MSRA: variants seen among roughly 807,000 people sequenced by gnomAD.
MSRA encodes the protein methionine sulfoxide reductase A, also known as mitochondrial peptide methionine sulfoxide reductase.
Under a neutral mutation model 31.3 loss-of-function variants are expected in MSRA, and 54 were observed. That is an observed-to-expected ratio of 1.73 (90% CI 1.39 to 2.17). The LOEUF (loss-of-function observed/expected upper bound fraction) is 2.17, where lower values mean the gene tolerates loss of function less well. Among genes scored for constraint, MSRA ranks in the 30% most tolerant of loss-of-function variants. The pLI, the probability that MSRA is intolerant of heterozygous loss-of-function variation, is 0.00. For missense variants in MSRA, 507 were observed against 300.9 expected, an observed-to-expected ratio of 1.69 and a Z score of -5.07; for synonymous variants, 169 against 116.5, an observed-to-expected ratio of 1.45 and a Z score of -2.90.
intron 1 of MSRA, among the ~76,000 whole-genome samples, chr8:10,085,066 G>A (rs1219252192): frequency 6.6e-6 from 1 of 152,158 alleles, no homozygotes; most frequent in Non-Finnish European, 1.5e-5. Flanking sequence ...GGCAAAAATC[G>A]TGAACACAGT....
At chr8:10,368,111 A>T (rs996671245) in intron 5 of MSRA, among the ~76,000 whole-genome samples, 1 of 152,226 alleles carries the variant, frequency 6.6e-6, no homozygotes, top group Admixed American at 6.5e-5. Context: ...ACCATGAGTC[A>T]TGAAGCCATG....
chr8:10,361,814 C>A (rs989278455), intron 5 of MSRA, among the ~76,000 whole-genome samples: 2 of 152,104 alleles, frequency 1.3e-5, no homozygotes, highest in Admixed American at 1.3e-4. Context: ...AAAATGTCTT[C>A]CTAACTTATT....
intron 5 of MSRA, among the ~76,000 whole-genome samples, chr8:10,403,256 G>A (rs1807576225): frequency 1.3e-5 from 2 of 152,206 alleles, no homozygotes; most frequent in African/African-American, 2.4e-5. Context: ...CAGATGGGAA[G>A]GCTTCAGAAG....
Position 10,063,601 on chromosome 8 carries a change from G to A in MSRA, c.142+8943G>A, listed in dbSNP as rs143008102. On this transcript the variant is annotated intron_variant, in intron 1 of 5. Coordinates refer to ENST00000317173, the MANE Select transcript of MSRA (RefSeq NM_012331.5). ...TTAGGAGGTGGGGGCTTTGGGAGGT[G>A]ATTAGTCATGAGGGTGGAACACGCA... 3.3e-4 allele frequency among the ~76,000 whole-genome samples: 50 copies of A among 152,270 alleles called. No homozygotes were observed. In the East Asian group the frequency reaches 9.1e-3, roughly 28 times the overall value.
In MSRA at chr8:10,368,356, T is replaced by C. The variant is rs143175769; in HGVS notation, c.543+48367T>C. Among the ~76,000 whole-genome samples the C allele has an allele frequency of 5.7e-4, 87 of 152,380 alleles. 1 individual carries two copies. The highest frequency in any genetic ancestry group is 2.0e-3 in the African/African-American group (83 of 41,600). ...AATGAAACAAAACACGAATAAGATG[T>C]GCAGATAAGATGGAGTGCAGCACTA... On this transcript the variant is annotated intron_variant, in intron 5 of 5. Transcript: ENST00000317173.
At chr8:10,085,899 C>G (rs529778194) in intron 1 of MSRA, among the ~76,000 whole-genome samples, 18 of 152,196 alleles carry the variant, frequency 1.2e-4, no homozygotes, top group Non-Finnish European at 2.5e-4. Flanking sequence ...TGTGGTTCTT[C>G]CATGTTGTTG....
chr8:10,116,024 G>A lies in MSRA; in HGVS notation c.142+61366G>A, dbSNP rs192044819. Among the ~76,000 whole-genome samples the A allele has an allele frequency of 3.6e-3, 545 of 152,280 alleles. 2 individuals carry two copies. Among genetic ancestry groups the A allele is most frequent in the Non-Finnish European group, 5.1e-3 (349 of 68,022 alleles). On this transcript the variant is annotated intron_variant, in intron 1 of 5. Coordinates refer to ENST00000317173, the MANE Select transcript of MSRA (RefSeq NM_012331.5). ...CTCGAGGGGACAGAGATGTGAGATC[G>A]TGGCTGGAACCACTGCTCTGAGTTG... is the stretch of plus-strand genomic sequence containing the variant.
intron 1 of MSRA, among the ~76,000 whole-genome samples, chr8:10,056,717 G>A (rs1045750816): frequency 2.6e-5 from 4 of 152,118 alleles, no homozygotes; most frequent in African/African-American, 9.7e-5. Context: ...TCTTCAGTGG[G>A]TTTCAGTAGC....
intron 5 of MSRA, among the ~76,000 whole-genome samples, chr8:10,334,726 T>G (rs1763024910): frequency 6.6e-6 from 1 of 152,164 alleles, no homozygotes; most frequent in African/African-American, 2.4e-5. Flanking sequence ...AGGCCATTTG[T>G]GTTTGTGCAT....
At chr8:10,202,857 G>C (rs1808623864) in intron 1 of MSRA, among the ~76,000 whole-genome samples, 1 of 152,176 alleles carries the variant, frequency 6.6e-6, no homozygotes, top group African/African-American at 2.4e-5. Context: ...AATTCTTACA[G>C]ATGAGGACAC....
At chr8:10,375,679 G>A (rs1038458992) in intron 5 of MSRA, among the ~76,000 whole-genome samples, 1 of 152,192 alleles carries the variant, frequency 6.6e-6, no homozygotes, top group African/African-American at 2.4e-5. Flanking sequence ...CGCATCACCA[G>A]TGGAAATGGG....
At chr8:10,355,995 T>G (rs1804486233) in intron 5 of MSRA, among the ~76,000 whole-genome samples, 1 of 152,182 alleles carries the variant, frequency 6.6e-6, no homozygotes, top group South Asian at 2.1e-4. Flanking sequence ...GCCCAGGTCC[T>G]ACGTGGTACC....
chr8:10,374,576 G>A (rs1182656654), intron 5 of MSRA, among the ~76,000 whole-genome samples: 1 of 152,228 alleles, frequency 6.6e-6, no homozygotes, highest in African/African-American at 2.4e-5. Context: ...AAATTACAAT[G>A]TAGGCCTTCC....
chr8:10,271,552 T>C (rs7000550), intron 3 of MSRA, among the ~76,000 whole-genome samples: 1,131 of 9,586 alleles, frequency 0.12, 158 homozygotes, highest in African/African-American at 0.19. Context: ...ATGCATCTTA[T>C]ATGCAAGAAA....
At chr8:10,140,612 A>G (rs1391734376) in intron 1 of MSRA, among the ~76,000 whole-genome samples, 1 of 152,214 alleles carries the variant, frequency 6.6e-6, no homozygotes, top group Non-Finnish European at 1.5e-5. Flanking sequence ...TGTAATATGC[A>G]TAATTTCTCG....
chr8:10,113,289 CTTCTTTTTTTTTTT>C (rs1800427608), intron 1 of MSRA, among the ~76,000 whole-genome samples: 1 of 50,898 alleles, frequency 2.0e-5, no homozygotes, highest in Admixed American at 2.9e-4. Flanking sequence ...GAAGACAGGT[CTTCTTTTTTTTTTT>C]TTTTTTTTTT....
intron 5 of MSRA, among the ~76,000 whole-genome samples, chr8:10,347,405 A>G (rs1803848915): frequency 6.6e-6 from 1 of 152,146 alleles, no homozygotes; most frequent in Non-Finnish European, 1.5e-5. Flanking sequence ...CTCCCAAGCC[A>G]TTCCTTCTTG....
intron 1 of MSRA, among the ~76,000 whole-genome samples, chr8:10,138,825 T>A (rs1398268966): frequency 6.6e-6 from 1 of 151,988 alleles, no homozygotes; most frequent in East Asian, 1.9e-4. Context: ...GGTGGAAAAT[T>A]CCGTGAGAGT....
At chr8:10,300,440 G>A (rs969808331) in intron 3 of MSRA, among the ~76,000 whole-genome samples, 17 of 152,018 alleles carry the variant, frequency 1.1e-4, no homozygotes, top group African/African-American at 4.1e-4. Context: ...CTTTTTAGTG[G>A]AGACGGGGTT....
Sources: gnomAD v4.1 joint callset for allele counts (sites outside exome capture counted in the v4.1 genomes callset) on GRCh38, gnomAD v4.1.1 for gene constraint, MANE v1.5 for transcripts, NCBI Gene and HGNC (gene_info 2026-07-23, HGNC 2026-07-21) for gene names.